SLC4A4: variants seen among roughly 807,000 people sequenced by gnomAD.
SLC4A4 encodes the protein solute carrier family 4 member 4, also known as electrogenic sodium bicarbonate cotransporter 1.
SLC4A4 carries 27 observed loss-of-function variants against 111.5 expected under a neutral mutation model. That is an observed-to-expected ratio of 0.24 (90% CI 0.18 to 0.33). The LOEUF (loss-of-function observed/expected upper bound fraction) is 0.33. Among genes scored for constraint, SLC4A4 ranks in the 10% least tolerant of loss-of-function variants. The pLI, the probability that SLC4A4 is intolerant of heterozygous loss-of-function variation, is 1.00. For synonymous variants in SLC4A4, 443 were observed against 463.4 expected (o/e 0.96, Z 0.57); for missense variants, 909 against 1,315.5 (o/e 0.69, Z 4.78).
intron 4 of SLC4A4, among the ~76,000 whole-genome samples, chr4:71,341,894 A>G (rs1440138728): frequency 6.6e-6 from 1 of 152,170 alleles, no homozygotes; most frequent in Non-Finnish European, 1.5e-5. Context: ...ATCTTTCATA[A>G]CTTAAACAAT....
chr4:71,254,992 G>A (rs1721336437), intron 2 of SLC4A4, among the ~76,000 whole-genome samples: 1 of 152,146 alleles, frequency 6.6e-6, no homozygotes, highest in African/African-American at 2.4e-5. Context: ...AGTCTATCTG[G>A]ACAGAATTAG....
At chr4:71,360,851 G>A (rs1331772743) in intron 6 of SLC4A4, among the ~76,000 whole-genome samples, 1 of 152,090 alleles carries the variant, frequency 6.6e-6, no homozygotes, top group African/African-American at 2.4e-5. Flanking sequence ...TTAAAGACGG[G>A]GTTCTTGTCA....
At chr4:71,209,160 A>G (rs1009115740) in intron 1 of SLC4A4, among the ~76,000 whole-genome samples, 1 of 152,140 alleles carries the variant, frequency 6.6e-6, no homozygotes, top group Non-Finnish European at 1.5e-5. Context: ...TTTTCCCCCC[A>G]TGCTCAATAT....
rs781476675 is a variant in SLC4A4 at position 71,255,339 on chromosome 4, T to G, written c.193T>G (p.Ser65Ala). 6.2e-7 allele frequency: 1 copy of G among 1,613,602 alleles called. No individual in the cohort carries two copies. The highest frequency in any genetic ancestry group is 1.1e-5 in the South Asian group (1 of 91,074). The change falls in exon 3 of 26, where the codon TCT (serine) becomes GCT (alanine). Residue 65 changes from serine (S) to alanine (A), a missense_variant. Ser to Ala is a moderately conservative substitution (Grantham distance 99). Around this residue, in one of 7 missense-constraint regions of SLC4A4, gnomAD observed 117 missense variants for 154.2 expected, o/e 0.76. Coordinates refer to ENST00000264485, the MANE Select transcript of SLC4A4 (RefSeq NM_001098484.3). Reference protein sequence around the residue: ...KEKERISENYSDKSDIENADE... With the variant: ...KEKERISENYADKSDIENADE... ...AAAGGAGAGAATCTCTGAGAACTAC[T>G]CTGACAAATCAGATATTGAAAATGC...
chr4:71,176,159 C>T (rs1012258604), intron 2 of SLC4A4, among the ~76,000 whole-genome samples: 24 of 152,080 alleles, frequency 1.6e-4, no homozygotes, highest in Non-Finnish European at 2.9e-5. Context: ...GAAAGGACAT[C>T]CACACCAAAC....
At chr4:71,565,681 A>T (rs769146320) in intron 24 of SLC4A4, among the ~76,000 whole-genome samples, 10 of 151,882 alleles carry the variant, frequency 6.6e-5, no homozygotes, top group African/African-American at 2.4e-4. Flanking sequence ...CTGTAAGGAA[A>T]CACGTGAATT....
chr4:71,458,354 C>T (rs1028752374), intron 12 of SLC4A4, among the ~76,000 whole-genome samples: 12 of 151,808 alleles, frequency 7.9e-5, no homozygotes, highest in Non-Finnish European at 1.5e-4. Flanking sequence ...AAAATTGTTC[C>T]TTTTAGTGTT....
intron 2 of SLC4A4, among the ~76,000 whole-genome samples, chr4:71,156,283 T>C (rs1744460152): frequency 6.6e-6 from 1 of 152,178 alleles, no homozygotes; most frequent in Non-Finnish European, 1.5e-5. Flanking sequence ...TGATACCTGA[T>C]CACAGTCTGG....
chr4:71,460,423 A>G (rs1016600734), intron 12 of SLC4A4, among the ~76,000 whole-genome samples: 1 of 152,152 alleles, frequency 6.6e-6, no homozygotes, highest in African/African-American at 2.4e-5. Flanking sequence ...CATCCAGCCT[A>G]TTAGACTTGG....
At chr4:71,207,231 G>T (rs2602104) in intron 1 of SLC4A4, among the ~76,000 whole-genome samples, 2 of 152,024 alleles carry the variant, frequency 1.3e-5, no homozygotes, top group East Asian at 1.9e-4. Context: ...CAAACACTAT[G>T]GTCCCTTGAA....
At chr4:71,076,131 C>T (rs1476793572) in intron 1 of SLC4A4, among the ~76,000 whole-genome samples, 1 of 152,076 alleles carries the variant, frequency 6.6e-6, no homozygotes, top group Non-Finnish European at 1.5e-5. Flanking sequence ...CTTTCTTCCT[C>T]AGCTACAGTG....
At chr4:71,127,119 TA>T (rs1297557783) in intron 2 of SLC4A4, among the ~76,000 whole-genome samples, 55 of 152,236 alleles carry the variant, frequency 3.6e-4, no homozygotes, top group African/African-American at 1.3e-3. Flanking sequence ...TCCATCATGC[TA>T]ACATCGTATT....
intron 2 of SLC4A4, among the ~76,000 whole-genome samples, chr4:71,112,123 T>C (rs1382997999): frequency 1.3e-5 from 2 of 152,236 alleles, no homozygotes; most frequent in Admixed American, 6.5e-5. Flanking sequence ...AAGTTTTGGC[T>C]ATCTTCCTTC....
At chr4:71,410,324 T>A (rs1432932790) in intron 7 of SLC4A4, among the ~76,000 whole-genome samples, 1 of 152,128 alleles carries the variant, frequency 6.6e-6, no homozygotes. Flanking sequence ...GAGAATGTAC[T>A]CTGCAAAGCC....
upstream of SLC4A4, among the ~76,000 whole-genome samples, chr4:71,184,489 C>T (rs1745392147): frequency 6.6e-6 from 1 of 152,234 alleles, no homozygotes; most frequent in Middle Eastern, 3.4e-3. Context: ...GATTAATAAG[C>T]TAAGTACTGG....
chr4:71,303,535 A>G (rs1351002555), intron 3 of SLC4A4, among the ~76,000 whole-genome samples: 1 of 152,168 alleles, frequency 6.6e-6, no homozygotes, highest in Admixed American at 6.5e-5. Flanking sequence ...ACTGTGTTTC[A>G]GTTTTTGATT....
At chr4:71,377,965 T>G (rs1247551250) in intron 6 of SLC4A4, among the ~76,000 whole-genome samples, 2 of 152,042 alleles carry the variant, frequency 1.3e-5, no homozygotes, top group Admixed American at 6.6e-5. Flanking sequence ...ACTTCTTATA[T>G]GGTAAGAGAA....
At chr4:71,315,185 T>C (rs1466772369) in intron 3 of SLC4A4, among the ~76,000 whole-genome samples, 2 of 152,156 alleles carry the variant, frequency 1.3e-5, no homozygotes, top group African/African-American at 4.8e-5. Flanking sequence ...ACAGAATTCT[T>C]TGTTTCTCCC....
At chr4:71,068,922 G>A (rs1741600864) in intron 1 of SLC4A4, among the ~76,000 whole-genome samples, 1 of 152,136 alleles carries the variant, frequency 6.6e-6, no homozygotes, top group Non-Finnish European at 1.5e-5. Flanking sequence ...GGGAGTGACT[G>A]ATACAAAGTT....
Sources: allele counts gnomAD v4.1 joint callset (sites outside exome capture counted in the v4.1 genomes callset), GRCh38; gene constraint gnomAD v4.1.1; regional missense constraint gnomAD v4.1.1; transcripts MANE v1.5; gene names NCBI Gene and HGNC (gene_info 2026-07-23, HGNC 2026-07-21).